The following DNA2 variants were observed in gnomAD, a reference collection of about 807,000 sequenced individuals.
DNA2 encodes DNA replication ATP-dependent helicase/nuclease DNA2.
Under a neutral mutation model 119.1 loss-of-function variants are expected in DNA2, and 101 were observed. The ratio of observed to expected loss-of-function variants is 0.85; its 90% CI spans 0.72 to 1.00. The LOEUF is 1.00. DNA2 is among the 50% of genes least tolerant of loss of function. DNA2 has a pLI of 0.00. For synonymous variants in DNA2, 366 were observed against 424.4 expected, an observed-to-expected ratio of 0.86 and a Z score of 1.69; for missense variants, 1,121 against 1,255.5, an observed-to-expected ratio of 0.89 and a Z score of 1.62.
intron 17 of DNA2, among the ~76,000 whole-genome samples, chr10:68,421,453 TAGAA>T (rs1043107832): frequency 6.6e-6 from 1 of 151,950 alleles, no homozygotes; most frequent in Admixed American, 6.6e-5. Context: ...ACTGGGCCTA[TAGAA>T]AGAAAGACTA....
chr10:68,439,031 C>CAAAA (rs35393675), intron 9 of DNA2, among the ~76,000 whole-genome samples: 129 of 80,544 alleles, frequency 1.6e-3, no homozygotes, highest in South Asian at 7.9e-3. Context: ...AGAATCTGTC[C>CAAAA]AAAAAAAAAA....
At chr10:68,468,646 G>C (rs2052352875) in intron 2 of DNA2, among the ~76,000 whole-genome samples, 1 of 152,144 alleles carries the variant, frequency 6.6e-6, no homozygotes, top group African/African-American at 2.4e-5. Context: ...TTATGAATTG[G>C]GTTGTTTTAA....
chr10:68,417,000 T>C lies in DNA2; in HGVS notation c.2968-145A>G, dbSNP rs1263991425. 1 of 679,514 alleles carries C rather than the reference T, an allele frequency of 1.5e-6. No homozygotes were observed. The highest frequency in any genetic ancestry group is 3.0e-5 in the Admixed American group (1 of 33,484). 42.1% of individuals were successfully genotyped at this position (679,514 alleles called of 1,614,324 possible). On this transcript the variant is annotated intron_variant, in intron 19 of 20. Transcript: ENST00000358410. ...GGCTCATGCCTGTAATCCCAGTACT[T>C]TGGGAGGCCGAGGCAGGTGGATCAC... is the stretch of plus-strand genomic sequence containing the variant.
chr10:68,471,561 A>G (rs2052381192), intron 1 of DNA2, among the ~76,000 whole-genome samples: 1 of 152,110 alleles, frequency 6.6e-6, no homozygotes, highest in African/African-American at 2.4e-5. Context: ...AAATCAAGGG[A>G]AACAATGAAC....
At chr10:68,446,839 G>A (rs1162657038) in intron 6 of DNA2, among the ~76,000 whole-genome samples, 1 of 152,126 alleles carries the variant, frequency 6.6e-6, no homozygotes, top group East Asian at 1.9e-4. Flanking sequence ...ACCAGAGGCT[G>A]GGAACAATAG....
At position 68,432,414 on chromosome 10, in the gene DNA2, CA is replaced by C. The variant is rs1464177103; in HGVS notation, c.1742del (p.Leu581Ter). The part of the protein sequence containing the change: ...IDTPLGNLSK[L>X]MENTFVSKKL... Reference sequence around the variant, plus strand: ...CAAACCTGACAAACGTGTTTTCCATCAATTTGGAAAGATTTCCTAATGGGGT... The same window carrying C: ...CAAACCTGACAAACGTGTTTTCCATCATTTGGAAAGATTTCCTAATGGGGT... On this transcript the variant is annotated frameshift_variant, in exon 11 of 21. Coordinates refer to ENST00000358410, the MANE Select transcript of DNA2 (RefSeq NM_001080449.3). LOFTEE classifies it high-confidence loss of function. 6 of 1,596,338 alleles carry C rather than the reference CA, an allele frequency of 3.8e-6. No individual in the cohort carries two copies. The highest frequency in any genetic ancestry group is 5.1e-6 in the Non-Finnish European group (6 of 1,169,402).
chr10:68,419,767 C>G, intron 18 of DNA2, 36 bp downstream of exon 18: 1 of 1,480,666 alleles, frequency 6.8e-7, no homozygotes, highest in Non-Finnish European at 9.4e-7. Context: ...TTATTCTGCA[C>G]TTTAATATTT....
intron 20 of DNA2, chr10:68,416,466 T>A (rs2051590624): frequency 2.7e-6 from 1 of 366,700 alleles, no homozygotes; most frequent in Non-Finnish European, 5.1e-6. Flanking sequence ...GCCCTGTATA[T>A]AAAATAAATA....
In DNA2 at chr10:68,471,773, TCC is replaced by T. The variant is rs1478933671; in HGVS notation, c.74+16_74+17del. On this transcript the variant is annotated intron_variant, in intron 1 of 20. Coordinates refer to ENST00000358410, the MANE Select transcript of DNA2 (RefSeq NM_001080449.3). ...AATCTCCCGCTTTGTTCCCACACCCTCCCCCCTCTCCGCTCACAGCTCCGCCG... is the reference window on the plus strand; with the variant it reads ...AATCTCCCGCTTTGTTCCCACACCCTCCCCTCTCCGCTCACAGCTCCGCCG... 6.3e-7 allele frequency: 1 copy of T among 1,582,716 alleles called. No homozygotes were observed. Among genetic ancestry groups the T allele is most frequent in the African/African-American group, 1.4e-5 (1 of 73,718 alleles).
chr10:68,455,719 G>A (rs1400780524), intron 5 of DNA2, among the ~76,000 whole-genome samples: 1 of 151,994 alleles, frequency 6.6e-6, no homozygotes, highest in Non-Finnish European at 1.5e-5. Context: ...TACTCAGGGG[G>A]CTGTGTCACA....
intron 7 of DNA2, among the ~76,000 whole-genome samples, chr10:68,445,520 A>G (rs972170885): frequency 9.2e-5 from 14 of 152,068 alleles, no homozygotes; most frequent in Non-Finnish European, 2.1e-4. Flanking sequence ...AAAACGGAGA[A>G]AACAGTATTC....
In DNA2 at chr10:68,442,977, G is replaced by A; in HGVS notation, c.1355C>T (p.Ser452Leu). Residue 452 changes from serine to leucine, a missense_variant, in exon 9 of 21, where the codon TCA becomes TTA. Physicochemically the swap from Ser to Leu is moderately radical, Grantham distance 145. Coordinates refer to ENST00000358410, the MANE Select transcript of DNA2 (RefSeq NM_001080449.3). ...SLWCLMLTLE[S>L]QSKDNKKNHQ... ...ATTCTTTTTATTATCCTTCGATTGT[G>A]ACTCCAGGGTTAACATTAGACACCA... 6.2e-7 allele frequency: 1 copy of A among 1,612,328 alleles called. No homozygotes were observed. Among genetic ancestry groups the A allele is most frequent in the Non-Finnish European group, 8.5e-7 (1 of 1,179,386 alleles).
intron 1 of DNA2, among the ~76,000 whole-genome samples, chr10:68,470,886 C>T (rs965954349): frequency 3.9e-5 from 6 of 152,186 alleles, no homozygotes; most frequent in African/African-American, 1.4e-4. Flanking sequence ...GGACAGAAAG[C>T]AGGCTTAATA....
intron 14 of DNA2, among the ~76,000 whole-genome samples, chr10:68,429,834 G>A (rs2051795449): frequency 6.8e-6 from 1 of 147,064 alleles, no homozygotes; most frequent in South Asian, 2.1e-4. Flanking sequence ...GTTATCACAA[G>A]ACTATTAAGT....
chr10:68,463,759 G>A lies in DNA2; in HGVS notation c.587+1908C>T, dbSNP rs559235500. ...ACATTCATCAGACATTGAGACTTCA[G>A]GATAATACACATTTACCATATAACT... is the stretch of plus-strand genomic sequence containing the variant. On this transcript the variant is annotated intron_variant, in intron 4 of 20. Transcript: ENST00000358410. Among the ~76,000 whole-genome samples, 5 of 151,988 alleles carry A rather than the reference G, an allele frequency of 3.3e-5. 1 individual carries two copies. The highest frequency in any genetic ancestry group is 1.2e-4 in the African/African-American group (5 of 41,456).
chr10:68,426,399 A>AG (rs2051741430), intron 14 of DNA2, among the ~76,000 whole-genome samples: 1 of 151,916 alleles, frequency 6.6e-6, no homozygotes, highest in South Asian at 2.1e-4. Context: ...TTAGCCAGGT[A>AG]TGGTGGCTCA....
rs1338946537 is a variant in DNA2 at position 68,444,920 on chromosome 10, C to T, written c.1220+1G>A. The T allele has an allele frequency of 1.2e-6, 2 of 1,610,306 alleles. No individual in the cohort carries two copies. Among genetic ancestry groups the T allele is most frequent in the Non-Finnish European group, 1.7e-6 (2 of 1,177,516 alleles). ...TAATGCCTTTGGTAGACAATATTTA[C>T]CTGCTATAAAGAGCACAATTGCCAA... On this transcript the variant is annotated splice_donor_variant, in intron 8 of 20. Coordinates refer to ENST00000358410, the MANE Select transcript of DNA2 (RefSeq NM_001080449.3). LOFTEE classifies it high-confidence loss of function.
In DNA2 at chr10:68,415,011, A is replaced by G; in HGVS notation, c.*28T>C. ...CACTAGCTAGAGGAGATACTGCCCT[A>G]GTATGAAAAGGCAAGGGAAATAGTG... On this transcript the variant is annotated 3_prime_UTR_variant, in exon 21 of 21. Transcript: ENST00000358410. 2 of 1,468,932 alleles carry G rather than the reference A, an allele frequency of 1.4e-6. No homozygotes were observed. Among genetic ancestry groups the G allele is most frequent in the Non-Finnish European group, 1.9e-6 (2 of 1,067,226 alleles). 91.0% of individuals were successfully genotyped at this position (1,468,932 alleles called of 1,614,324 possible).
intron 14 of DNA2, among the ~76,000 whole-genome samples, chr10:68,427,195 C>G (rs2051752999): frequency 6.6e-6 from 1 of 151,268 alleles, no homozygotes; most frequent in East Asian, 2.0e-4. Context: ...ATGGTGAAAC[C>G]CCGTCTCTAC....
Sources: gnomAD v4.1 joint callset for allele counts (sites outside exome capture counted in the v4.1 genomes callset) on GRCh38, gnomAD v4.1.1 for gene constraint, MANE v1.5 for transcripts, NCBI Gene and HGNC (gene_info 2026-07-23, HGNC 2026-07-21) for gene names.